UGT1A9: variants seen among roughly 807,000 people sequenced by gnomAD.
UGT1A9 encodes UDP-glucuronosyltransferase 1A9.
In UGT1A9, 35 loss-of-function variants were observed where a neutral mutation model predicts 45.0. That is an observed-to-expected ratio of 0.78 (90% CI 0.59 to 1.03). The LOEUF is 1.03. UGT1A9 is among the 50% of genes least tolerant of loss of function. The pLI is 0.00. For synonymous variants in UGT1A9, 278 were observed against 250.6 expected (o/e 1.11, Z -1.03); for missense variants, 687 against 666.6 (o/e 1.03, Z -0.34).
chr2:233,718,173 A>G (rs143975074), intron 1 of UGT1A9: 25 of 238,454 alleles, frequency 1.0e-4, no homozygotes, highest in Admixed American at 2.8e-4. Flanking sequence ...TGATCATCAC[A>G]TCTTGAGCTC....
At chr2:233,727,536 T>C (rs2077625396) in intron 1 of UGT1A9, among the ~76,000 whole-genome samples, 1 of 152,154 alleles carries the variant, frequency 6.6e-6, no homozygotes, top group East Asian at 1.9e-4. Context: ...ACCAGGCGTG[T>C]TCCACCCGTC....
chr2:233,769,154 T>C lies in UGT1A9; in HGVS notation c.1295+715T>C, dbSNP rs528869254. ...CAGCTTTTTGCAGCACTGGAACCTG[T>C]GAGAAATTTTGTCCATGGAGTTTAT... On this transcript the variant is annotated intron_variant, in intron 4 of 4. Coordinates refer to ENST00000354728, the MANE Select transcript of UGT1A9 (RefSeq NM_021027.3). This position sits in a 1 kb window ranked among gnomAD's most constrained non-coding sequence, Gnocchi z 4.4. Among the ~76,000 whole-genome samples the C allele has an allele frequency of 1.3e-5, 2 of 152,310 alleles. No individual in the cohort carries two copies. Among genetic ancestry groups the C allele is most frequent in the South Asian group, 4.1e-4 (2 of 4,822 alleles).
intron 1 of UGT1A9, chr2:233,743,409 A>G: frequency 7.6e-7 from 1 of 1,312,950 alleles, no homozygotes; most frequent in Non-Finnish European, 1.0e-6. Context: ...AAAGGCCCCC[A>G]CTTCCCAGGG....
intron 1 of UGT1A9, among the ~76,000 whole-genome samples, chr2:233,752,797 G>C (rs766471839): frequency 2.6e-5 from 4 of 152,148 alleles, no homozygotes; most frequent in Non-Finnish European, 5.9e-5. Flanking sequence ...TTACACTTCT[G>C]TAGAAGGAAC....
intron 1 of UGT1A9, chr2:233,713,363 A>G (rs753739474): frequency 1.9e-6 from 3 of 1,614,204 alleles, no homozygotes; most frequent in South Asian, 2.2e-5. Context: ...CTTTGATCAT[A>G]CATAGGTCTT....
intron 1 of UGT1A9, among the ~76,000 whole-genome samples, chr2:233,702,928 C>G (rs2075715316): frequency 6.6e-6 from 1 of 152,064 alleles, no homozygotes; most frequent in South Asian, 2.1e-4. Context: ...TCTTGCGGAG[C>G]CTTGGTCTGT....
intron 1 of UGT1A9, among the ~76,000 whole-genome samples, chr2:233,759,599 A>ACCCCCCCCCCCCCCCCCC (rs1553620419): frequency 9.2e-6 from 1 of 108,664 alleles, no homozygotes; most frequent in African/African-American, 3.3e-5. Flanking sequence ...CCCACCCCCG[A>ACCCCCCCCCCCCCCCCCC]CCCGCCCCAC....
intron 1 of UGT1A9, among the ~76,000 whole-genome samples, chr2:233,715,728 C>T (rs17862871): frequency 0.1 from 15,454 of 152,176 alleles, 903 homozygotes; most frequent in East Asian, 0.2. Flanking sequence ...GCCATGTTCA[C>T]GCCACCTCAC....
chr2:233,751,386 C>T (rs1694713563), intron 1 of UGT1A9, among the ~76,000 whole-genome samples: 1 of 152,086 alleles, frequency 6.6e-6, no homozygotes, highest in African/African-American at 2.4e-5. Flanking sequence ...TGCCTTGTCT[C>T]AGATAAGACT....
chr2:233,711,904 C>T (rs2076203848), intron 1 of UGT1A9, among the ~76,000 whole-genome samples: 1 of 152,172 alleles, frequency 6.6e-6, no homozygotes, highest in African/African-American at 2.4e-5. Context: ...GGCGTGAGAC[C>T]ATTGTGAGTG....
chr2:233,679,824 A>G (rs555609688), intron 1 of UGT1A9, among the ~76,000 whole-genome samples: 3 of 152,230 alleles, frequency 2.0e-5, no homozygotes, highest in South Asian at 2.1e-4. Flanking sequence ...TCATAAAATG[A>G]CTTTAATTTT....
intron 1 of UGT1A9, among the ~76,000 whole-genome samples, chr2:233,696,060 C>T (rs766076590): frequency 2.6e-5 from 4 of 152,240 alleles, no homozygotes; most frequent in Admixed American, 6.5e-5. Flanking sequence ...TAAATTAGTA[C>T]AGCCACTATG....
intron 1 of UGT1A9, among the ~76,000 whole-genome samples, chr2:233,715,064 T>A (rs957202812): frequency 6.6e-6 from 1 of 152,062 alleles, no homozygotes; most frequent in African/African-American, 2.4e-5. Flanking sequence ...TTTTGTATTT[T>A]TTATGGAGAT....
At position 233,747,386 on chromosome 2, in the gene UGT1A9, G is replaced by A. The variant is rs28900380; in HGVS notation, c.856-19648G>A. ...AGCTCCATGCCAGAGGCCACCAGGC[G>A]GTGGTCCTCACCCCAGAGGTGAATA... is the stretch of plus-strand genomic sequence containing the variant. On this transcript the variant is annotated intron_variant, in intron 1 of 4. Coordinates refer to ENST00000354728, the MANE Select transcript of UGT1A9 (RefSeq NM_021027.3). The A allele has an allele frequency of 0.013, 20,927 of 1,605,194 alleles. 2,457 individuals carry two copies. In the African/African-American group the frequency reaches 0.23, roughly 18 times the overall value.
intron 4 of UGT1A9, among the ~76,000 whole-genome samples, chr2:233,768,995 A>C (rs771127427): frequency 6.6e-6 from 1 of 152,124 alleles, no homozygotes; most frequent in Admixed American, 6.5e-5. Context: ...CCCCCATTAG[A>C]TTTAAAACTC....
At chr2:233,727,846 T>C (rs1234756694) in intron 1 of UGT1A9, among the ~76,000 whole-genome samples, 1 of 152,150 alleles carries the variant, frequency 6.6e-6, no homozygotes, top group East Asian at 1.9e-4. Context: ...TGTGGAGTAA[T>C]TTCCTCCCTA....
intron 1 of UGT1A9, among the ~76,000 whole-genome samples, chr2:233,681,221 G>A (rs1366226638): frequency 6.6e-6 from 1 of 151,946 alleles, no homozygotes; most frequent in Admixed American, 6.6e-5. Context: ...TTTCTGGGCA[G>A]AGGACAAAAT....
intron 1 of UGT1A9, among the ~76,000 whole-genome samples, chr2:233,701,256 A>T (rs2075619481): frequency 6.6e-6 from 1 of 152,150 alleles, no homozygotes; most frequent in African/African-American, 2.4e-5. Context: ...GGCTGGGTCA[A>T]ATGGTATTTC....
At chr2:233,745,689 T>C (rs1218366980) in intron 1 of UGT1A9, among the ~76,000 whole-genome samples, 4 of 149,704 alleles carry the variant, frequency 2.7e-5, no homozygotes, top group African/African-American at 1.0e-4. Flanking sequence ...CAAAGCAAGT[T>C]TGGAGAACAA....
Sources: allele counts gnomAD v4.1 joint callset (sites outside exome capture counted in the v4.1 genomes callset), GRCh38; gene constraint gnomAD v4.1.1; non-coding constraint Gnocchi (gnomAD v3.1); transcripts MANE v1.5; gene names NCBI Gene and HGNC (gene_info 2026-07-23, HGNC 2026-07-21).